The following PTPRO variants were observed in gnomAD, a reference collection of about 807,000 sequenced individuals.
PTPRO encodes the protein protein tyrosine phosphatase receptor type O, also known as receptor-type tyrosine-protein phosphatase O.
Under a neutral mutation model 145.2 loss-of-function variants are expected in PTPRO, and 62 were observed. The observed-to-expected ratio is 0.43, with a 90% CI of 0.35 to 0.53. The LOEUF (loss-of-function observed/expected upper bound fraction) is 0.53. Among genes scored for constraint, PTPRO ranks in the 20% least tolerant of loss-of-function variants. PTPRO has a pLI of 0.01. For synonymous variants in PTPRO, 565 were observed against 514.7 expected, an observed-to-expected ratio of 1.10 and a Z score of -1.32; for missense variants, 1,345 against 1,482.7, an observed-to-expected ratio of 0.91 and a Z score of 1.53.
intron 1 of PTPRO, among the ~76,000 whole-genome samples, chr12:15,369,238 G>A (rs1251209517): frequency 6.6e-6 from 1 of 152,148 alleles, no homozygotes; most frequent in Non-Finnish European, 1.5e-5. Context: ...TTGAGTTAGT[G>A]TGTTTTAGGG....
Position 15,497,360 on chromosome 12 carries a change from T to C in PTPRO, c.465T>C (p.Ile155=). ...ATAACGTTTTCACAAGAGTGAACAT[T>C]AGCTACTGGGAAGGTAAAGACTTCC... is the stretch of plus-strand genomic sequence containing the variant. ...EKYNVFTRVN[I]SYWEGKDFRT... Residue 155 remains isoleucine, a synonymous_variant, in exon 3 of 27, where the codon ATT becomes ATC. Coordinates refer to ENST00000281171, the MANE Select transcript of PTPRO (RefSeq NM_030667.3). The C allele has an allele frequency of 6.2e-7, 1 of 1,613,332 alleles. No individual in the cohort carries two copies. Among genetic ancestry groups the C allele is most frequent in the Non-Finnish European group, 8.5e-7 (1 of 1,179,456 alleles).
intron 25 of PTPRO, among the ~76,000 whole-genome samples, chr12:15,592,268 G>A (rs1944569656): frequency 2.0e-5 from 3 of 152,060 alleles, no homozygotes. Flanking sequence ...AAAGAACAAA[G>A]TAAAAAAAGG....
chr12:15,445,850 T>C (rs1268671562), intron 1 of PTPRO, among the ~76,000 whole-genome samples: 1 of 152,130 alleles, frequency 6.6e-6, no homozygotes, highest in Non-Finnish European at 1.5e-5. Flanking sequence ...GTCTTTGACA[T>C]GTCTGGAACA....
intron 23 of PTPRO, among the ~76,000 whole-genome samples, chr12:15,586,141 T>C (rs1944425298): frequency 6.6e-6 from 1 of 152,156 alleles, no homozygotes; most frequent in Admixed American, 6.6e-5. Flanking sequence ...AAACTGAAGC[T>C]CAGTGAGTCA....
chr12:15,340,370 G>C (rs1010259289), intron 1 of PTPRO, among the ~76,000 whole-genome samples: 1 of 152,084 alleles, frequency 6.6e-6, no homozygotes, highest in South Asian at 2.1e-4. Flanking sequence ...CGAGACACAG[G>C]TGACTGAATC....
chr12:15,507,767 C>T (rs1942353816), intron 6 of PTPRO, among the ~76,000 whole-genome samples: 2 of 152,232 alleles, frequency 1.3e-5, no homozygotes, highest in African/African-American at 2.4e-5. Context: ...GCGACTTGCT[C>T]CTTTTCCTCT....
At chr12:15,351,803 C>G (rs539998246) in intron 1 of PTPRO, among the ~76,000 whole-genome samples, 2 of 152,258 alleles carry the variant, frequency 1.3e-5, no homozygotes, top group African/African-American at 4.8e-5. Flanking sequence ...AAACATTGCT[C>G]CTTCATTCAC....
intron 19 of PTPRO, among the ~76,000 whole-genome samples, chr12:15,574,576 A>G (rs183377503): frequency 2.0e-5 from 3 of 152,320 alleles, no homozygotes; most frequent in East Asian, 1.9e-4. Flanking sequence ...TTTACTTGCT[A>G]TAGATGGAAC....
intron 7 of PTPRO, among the ~76,000 whole-genome samples, chr12:15,514,774 G>A (rs1378875907): frequency 6.6e-6 from 1 of 151,260 alleles, no homozygotes; most frequent in Non-Finnish European, 1.5e-5. Context: ...TTTTATTTTT[G>A]TTTTTTTGAG....
At position 15,442,479 on chromosome 12, in the gene PTPRO, C is replaced by T. The variant is rs117975121; in HGVS notation, c.76-41495C>T. On this transcript the variant is annotated intron_variant, in intron 1 of 26. Coordinates refer to ENST00000281171, the MANE Select transcript of PTPRO (RefSeq NM_030667.3). ...CTCACCACTCCTATTCAACATAGTA[C>T]TGGAATTGGTAGCCAGAGCAATCAG... Among the ~76,000 whole-genome samples, 879 of 152,142 alleles carry T rather than the reference C, an allele frequency of 5.8e-3. 52 individuals carry two copies. In the East Asian group the frequency reaches 0.14, roughly 24 times the overall value.
rs138701519 is a variant in PTPRO at position 15,424,541 on chromosome 12, A to G, written c.76-59433A>G. The stretch of plus-strand genomic sequence containing the variant: ...GGCCTGGATCGTTTAGGAGCTTACA[A>G]TGTTTTGGGAGACATGCACATAGAA... On this transcript the variant is annotated intron_variant, in intron 1 of 26. Coordinates refer to ENST00000281171, the MANE Select transcript of PTPRO (RefSeq NM_030667.3). Among the ~76,000 whole-genome samples, 367 of 152,222 alleles carry G rather than the reference A, an allele frequency of 2.4e-3. 1 individual carries two copies. The highest frequency in any genetic ancestry group is 4.0e-3 in the Non-Finnish European group (274 of 67,996).
intron 9 of PTPRO, among the ~76,000 whole-genome samples, chr12:15,519,385 C>T (rs923666102): frequency 6.6e-6 from 1 of 152,168 alleles, no homozygotes; most frequent in Non-Finnish European, 1.5e-5. Flanking sequence ...TGGCTATTTT[C>T]AAGTTTTTTT....
chr12:15,463,543 G>A (rs1255723467), intron 1 of PTPRO, among the ~76,000 whole-genome samples: 3 of 152,048 alleles, frequency 2.0e-5, no homozygotes, highest in Non-Finnish European at 2.9e-5. Flanking sequence ...TCTTTGTCAG[G>A]CATTAAATAA....
intron 1 of PTPRO, among the ~76,000 whole-genome samples, chr12:15,417,399 G>A (rs570333077): frequency 4.0e-5 from 6 of 151,856 alleles, no homozygotes; most frequent in African/African-American, 1.5e-4. Context: ...CAAACAGCTT[G>A]AAAACAATAA....
chr12:15,581,107 A>G (rs1042935273), intron 22 of PTPRO, among the ~76,000 whole-genome samples: 8 of 152,134 alleles, frequency 5.3e-5, no homozygotes, highest in African/African-American at 1.7e-4. Flanking sequence ...TAGCACTAGT[A>G]AAGTTTTGGG....
Position 15,520,197 on chromosome 12 carries a change from T to C in PTPRO, c.1780-4T>C. The C allele has an allele frequency of 1.9e-6, 3 of 1,605,532 alleles. No homozygotes were observed. The highest frequency in any genetic ancestry group is 2.6e-6 in the Non-Finnish European group (3 of 1,172,220). ...TTGTCTCCTTGCTTGCTTTTCTCAT[T>C]CAGAGAATAGCTAATCTGCTGCCAG... On this transcript the variant is annotated splice_polypyrimidine_tract_variant and splice_region_variant and intron_variant, in intron 9 of 26. Transcript: ENST00000281171.
Position 15,416,546 on chromosome 12 carries a change from C to T in PTPRO, c.76-67428C>T, listed in dbSNP as rs182015182. Among the ~76,000 whole-genome samples, 123 of 151,474 alleles carry T rather than the reference C, an allele frequency of 8.1e-4. 5 individuals are homozygous for T. The highest frequency in any genetic ancestry group is 2.9e-3 in the African/African-American group (120 of 40,834). Reference sequence around the variant, plus strand: ...ATGTTAGCCAGGATGGTCTCGATCTCCTGACCTCATGATCTGCCTGCCTCG... The same window carrying T: ...ATGTTAGCCAGGATGGTCTCGATCTTCTGACCTCATGATCTGCCTGCCTCG... On this transcript the variant is annotated intron_variant, in intron 1 of 26. Coordinates refer to ENST00000281171, the MANE Select transcript of PTPRO (RefSeq NM_030667.3).
intron 1 of PTPRO, among the ~76,000 whole-genome samples, chr12:15,384,509 T>G (rs1938961699): frequency 6.6e-6 from 1 of 152,202 alleles, no homozygotes; most frequent in South Asian, 2.1e-4. Flanking sequence ...ACCTTCTCTC[T>G]GAATTCTCAC....
At chr12:15,447,417 T>C (rs1940929037) in intron 1 of PTPRO, among the ~76,000 whole-genome samples, 1 of 152,144 alleles carries the variant, frequency 6.6e-6, no homozygotes, top group South Asian at 2.1e-4. Context: ...TTTGCCACCT[T>C]AGCTTTGAAT....
Sources: gnomAD v4.1 joint callset for allele counts (sites outside exome capture counted in the v4.1 genomes callset) on GRCh38, gnomAD v4.1.1 for gene constraint, MANE v1.5 for transcripts, NCBI Gene and HGNC (gene_info 2026-07-23, HGNC 2026-07-21) for gene names.